The following HTR2C variants were observed in gnomAD, a reference collection of about 807,000 sequenced individuals.
The protein encoded by HTR2C is 5-hydroxytryptamine receptor 2C.
Under a neutral mutation model 21.0 loss-of-function variants are expected in HTR2C, and 5 were observed. The ratio of observed to expected loss-of-function variants is 0.24; its 90% CI spans 0.12 to 0.50. The LOEUF is 0.50. Among genes scored for constraint, HTR2C ranks in the 20% least tolerant of loss-of-function variants. HTR2C has a pLI of 0.98. For synonymous variants in HTR2C, 150 were observed against 145.3 expected (o/e 1.03, Z -0.23); for missense variants, 271 against 371.2 (o/e 0.73, Z 2.22).
intron 5 of HTR2C, among the ~76,000 whole-genome samples, chrX:114,863,203 G>A (rs182173983): frequency 9.0e-6 from 1 of 111,246 alleles, no homozygotes; most frequent in African/African-American, 3.3e-5. Flanking sequence ...TTTGAGATAC[G>A]TACCCAGCAA....
chrX:114,641,293 C>A (rs1189948257), intron 2 of HTR2C, among the ~76,000 whole-genome samples: 1 of 111,205 alleles, frequency 9.0e-6, no homozygotes, highest in Admixed American at 9.7e-5. Context: ...CGAATAGATG[C>A]ATATATTTTC....
intron 4 of HTR2C, among the ~76,000 whole-genome samples, chrX:114,746,089 C>G (rs2147361848): frequency 9.0e-6 from 1 of 111,402 alleles, no homozygotes; most frequent in East Asian, 2.8e-4. Flanking sequence ...TATATACACA[C>G]TATGTACCTA....
chrX:114,880,188 A>G (rs1361701374), intron 5 of HTR2C, among the ~76,000 whole-genome samples: 1 of 110,399 alleles, frequency 9.1e-6, no homozygotes, highest in Non-Finnish European at 1.9e-5. Flanking sequence ...ATTTAAAAAT[A>G]TATTTATTAG....
chrX:114,725,531 C>G (rs782569561), intron 2 of HTR2C, among the ~76,000 whole-genome samples: 22 of 112,505 alleles, frequency 2.0e-4, no homozygotes, highest in Non-Finnish European at 3.2e-4. Context: ...AAGTCATTCT[C>G]CATCCAGCTT....
At chrX:114,804,308 G>C (rs1264574402) in intron 4 of HTR2C, among the ~76,000 whole-genome samples, 1 of 111,348 alleles carries the variant, frequency 9.0e-6, no homozygotes, top group African/African-American at 3.3e-5. Context: ...GCTAAATGTG[G>C]CTGAACAATA....
intron 4 of HTR2C, among the ~76,000 whole-genome samples, chrX:114,809,520 C>CT (rs1556452049): frequency 2.8e-5 from 3 of 108,961 alleles, no homozygotes; most frequent in African/African-American, 1.0e-4. Context: ...AGTAGCCGGG[C>CT]TTACAGGCGC....
chrX:114,851,369 G>A (rs1202362711), intron 5 of HTR2C, among the ~76,000 whole-genome samples: 1 of 111,948 alleles, frequency 8.9e-6, no homozygotes, highest in South Asian at 3.7e-4. Context: ...AAATAGAAAT[G>A]ACTTCAAAAT....
intron 1 of HTR2C, among the ~76,000 whole-genome samples, chrX:114,586,995 A>C (rs1556389875): frequency 9.0e-6 from 1 of 111,375 alleles, no homozygotes; most frequent in African/African-American, 3.3e-5. Flanking sequence ...CAATAAAAGT[A>C]AAATCTAAAA....
chrX:114,637,047 A>T (rs1218842033), intron 2 of HTR2C, among the ~76,000 whole-genome samples: 4 of 111,841 alleles, frequency 3.6e-5, no homozygotes, highest in Admixed American at 9.6e-5. Context: ...CTAATTTTTT[A>T]AAAAAATAAG....
chrX:114,831,523 T>C (rs1342026209), intron 4 of HTR2C, among the ~76,000 whole-genome samples: 7 of 90,691 alleles, frequency 7.7e-5, no homozygotes, highest in Non-Finnish European at 6.6e-5. Flanking sequence ...TTCATGTCCT[T>C]TGCCCACTTT....
At chrX:114,897,276 A>T (rs930100812) in intron 5 of HTR2C, among the ~76,000 whole-genome samples, 1 of 112,111 alleles carries the variant, frequency 8.9e-6, no homozygotes, top group Non-Finnish European at 1.9e-5. Context: ...ATTAGGAAAA[A>T]ATAAAAAGTA....
At chrX:114,702,563 C>T (rs1283936104) in intron 2 of HTR2C, among the ~76,000 whole-genome samples, 5 of 111,378 alleles carry the variant, frequency 4.5e-5, no homozygotes, top group Non-Finnish European at 7.5e-5. Flanking sequence ...GGAGGAAGCA[C>T]TAAACATGGA....
intron 4 of HTR2C, among the ~76,000 whole-genome samples, chrX:114,824,742 G>A: frequency 8.9e-6 from 1 of 112,180 alleles, no homozygotes; most frequent in Non-Finnish European, 1.9e-5. Flanking sequence ...TGGTAAGTGG[G>A]CCAATCTTAG....
intron 2 of HTR2C, among the ~76,000 whole-genome samples, chrX:114,622,381 CA>C (rs1194119974): frequency 9.2e-6 from 1 of 108,139 alleles, no homozygotes; most frequent in Non-Finnish European, 1.9e-5. Flanking sequence ...TGAAATACTA[CA>C]AAAAAAAACC....
intron 5 of HTR2C, among the ~76,000 whole-genome samples, chrX:114,877,951 T>A (rs146296639): frequency 3.2e-3 from 358 of 111,090 alleles, no homozygotes; most frequent in African/African-American, 0.011. Context: ...TGTAAAGTTC[T>A]GTATCTCTCT....
chrX:114,633,945 T>TAGAG (rs1216290509), intron 2 of HTR2C, among the ~76,000 whole-genome samples: 1 of 25,874 alleles, frequency 3.9e-5, no homozygotes, highest in Non-Finnish European at 7.1e-5. Flanking sequence ...TATATATATA[T>TAGAG]ATAGAGAGAG....
intron 2 of HTR2C, among the ~76,000 whole-genome samples, chrX:114,710,033 C>T (rs1344140156): frequency 8.9e-6 from 1 of 111,891 alleles, no homozygotes; most frequent in Non-Finnish European, 1.9e-5. Flanking sequence ...GGAAAAGAAG[C>T]AGGAGACTGG....
At chrX:114,873,528 C>T (rs2071108388) in intron 5 of HTR2C, among the ~76,000 whole-genome samples, 1 of 111,688 alleles carries the variant, frequency 9.0e-6, no homozygotes, top group African/African-American at 3.2e-5. Context: ...TTTATCAGTA[C>T]AACACCTGAA....
At chrX:114,597,746 T>C (rs1049965790) in intron 1 of HTR2C, among the ~76,000 whole-genome samples, 2 of 111,853 alleles carry the variant, frequency 1.8e-5, no homozygotes, top group Non-Finnish European at 3.8e-5. Flanking sequence ...TCTCTGGAGA[T>C]AGAATTTCGA....
Sources: gnomAD v4.1 joint callset for allele counts (sites outside exome capture counted in the v4.1 genomes callset) on GRCh38, gnomAD v4.1.1 for gene constraint, MANE v1.5 for transcripts, NCBI Gene and HGNC (gene_info 2026-07-23, HGNC 2026-07-21) for gene names.